The following CDIN1 variants were observed in gnomAD, a reference collection of about 807,000 sequenced individuals.
CDIN1 encodes CDAN1 interacting nuclease 1, also known as CDAN1-interacting nuclease 1.
CDIN1 carries 33 observed loss-of-function variants against 45.3 expected under a neutral mutation model. The ratio of observed to expected loss-of-function variants is 0.73; its 90% CI spans 0.55 to 0.97. CDIN1 has a LOEUF of 0.97. CDIN1 is among the 50% of genes least tolerant of loss of function. The probability of loss-of-function intolerance (pLI) is 0.00; values close to 1 mark genes in which losing one functional copy is unlikely to be tolerated. For missense variants in CDIN1, 303 were observed against 339.4 expected, an observed-to-expected ratio of 0.89 and a Z score of 0.84; for synonymous variants, 118 against 124.4, an observed-to-expected ratio of 0.95 and a Z score of 0.34.
intron 1 of CDIN1, among the ~76,000 whole-genome samples, chr15:36,612,239 C>T (rs1311610192): frequency 2.6e-5 from 4 of 152,110 alleles, no homozygotes; most frequent in African/African-American, 9.7e-5. Flanking sequence ...CAGCCCTTGT[C>T]TCTCTTCTTC....
chr15:36,663,253 C>G (rs2041095759), intron 5 of CDIN1, among the ~76,000 whole-genome samples: 1 of 152,022 alleles, frequency 6.6e-6, no homozygotes, highest in Admixed American at 6.6e-5. Flanking sequence ...AAATCCAGAC[C>G]TAGGTATTTA....
At chr15:36,695,429 A>G (rs572324177) in intron 7 of CDIN1, among the ~76,000 whole-genome samples, 1 of 152,168 alleles carries the variant, frequency 6.6e-6, no homozygotes, top group African/African-American at 2.4e-5. Flanking sequence ...ACTTTGGGCA[A>G]TCTCATCTGT....
At chr15:36,659,688 C>T (rs775282022) in intron 5 of CDIN1, among the ~76,000 whole-genome samples, 5 of 145,500 alleles carry the variant, frequency 3.4e-5, no homozygotes, top group Non-Finnish European at 6.0e-5. Flanking sequence ...AATCATCATA[C>T]TAGGCTATTG....
At chr15:36,666,836 G>A (rs191632727) in intron 5 of CDIN1, among the ~76,000 whole-genome samples, 36 of 152,296 alleles carry the variant, frequency 2.4e-4, no homozygotes, top group Admixed American at 1.7e-3. Context: ...GTTCAAATAA[G>A]CAATGATAAT....
chr15:36,581,868 T>C (rs924662551), intron 1 of CDIN1, among the ~76,000 whole-genome samples: 2 of 152,272 alleles, frequency 1.3e-5, no homozygotes, highest in African/African-American at 4.8e-5. Context: ...CTTGAATGGA[T>C]CTTTTACCCA....
chr15:36,797,870 C>T (rs1306374160), intron 10 of CDIN1, among the ~76,000 whole-genome samples: 1 of 151,638 alleles, frequency 6.6e-6, no homozygotes, highest in Admixed American at 6.6e-5. Flanking sequence ...GTCCCAGCTC[C>T]TCAGGAGACT....
chr15:36,608,894 C>T (rs951164849), intron 1 of CDIN1, among the ~76,000 whole-genome samples: 5 of 151,694 alleles, frequency 3.3e-5, no homozygotes, highest in East Asian at 3.9e-4. Flanking sequence ...TTTCCCTTTT[C>T]GCTTTGCCTT....
At chr15:36,789,643 T>TA (rs1010809466) in intron 10 of CDIN1, among the ~76,000 whole-genome samples, 1 of 152,170 alleles carries the variant, frequency 6.6e-6, no homozygotes, top group African/African-American at 2.4e-5. Context: ...AAGAGAGGCT[T>TA]AAGACAAAGT....
rs10709743 is a variant in CDIN1 at position 36,599,107 on chromosome 15, CTTT to C, written c.101+19159_101+19161del. ...AGACAGCGACTTTGAAGCATACTTG[CTTT>C]TTTTTTTTTTTTGGGAGGGGAGCAG... On this transcript the variant is annotated intron_variant, in intron 1 of 10. Transcript: ENST00000566621. Among the ~76,000 whole-genome samples, 228 of 133,914 alleles carry C rather than the reference CTTT, an allele frequency of 1.7e-3. 1 individual carries two copies. The highest frequency in any genetic ancestry group is 5.7e-3 in the African/African-American group (212 of 37,272). The allele number at this position is 133,914 out of a possible 152,430, so 87.9% of individuals were successfully genotyped here.
intron 10 of CDIN1, among the ~76,000 whole-genome samples, chr15:36,782,378 G>A (rs575295715): frequency 6.6e-6 from 1 of 152,046 alleles, no homozygotes; most frequent in Non-Finnish European, 1.5e-5. Context: ...AGGCAAAACC[G>A]CATTTTAATA....
chr15:36,658,072 A>AATAATGCT (rs1302195620), intron 5 of CDIN1, among the ~76,000 whole-genome samples, 167 bp downstream of exon 5: 1 of 152,084 alleles, frequency 6.6e-6, no homozygotes, highest in Admixed American at 6.6e-5. Flanking sequence ...CAACTTAAAT[A>AATAATGCT]CTCTTCAGAA....
intron 1 of CDIN1, among the ~76,000 whole-genome samples, chr15:36,585,703 A>T (rs901945761): frequency 1.2e-4 from 19 of 152,112 alleles, no homozygotes; most frequent in African/African-American, 4.6e-4. Flanking sequence ...TATTATTATT[A>T]TTATTTTTAA....
intron 1 of CDIN1, among the ~76,000 whole-genome samples, chr15:36,607,986 G>A (rs1008918119): frequency 3.9e-5 from 6 of 152,134 alleles, no homozygotes; most frequent in East Asian, 1.9e-4. Context: ...TTAACGTAGC[G>A]TAATGTTTTT....
chr15:36,733,907 AT>A (rs1409936032), intron 10 of CDIN1, among the ~76,000 whole-genome samples: 1 of 152,176 alleles, frequency 6.6e-6, no homozygotes, highest in Non-Finnish European at 1.5e-5. Context: ...TGGAAAATAG[AT>A]TTAATTAAAA....
chr15:36,701,113 GATAGGTAGGTAGA>G (rs2042617583), intron 8 of CDIN1, among the ~76,000 whole-genome samples: 1 of 83,654 alleles, frequency 1.2e-5, no homozygotes, highest in Non-Finnish European at 2.4e-5. Flanking sequence ...TAGATAGATA[GATAGGTAGGTAGA>G]TAGATAGATA....
intron 10 of CDIN1, among the ~76,000 whole-genome samples, chr15:36,743,918 G>A (rs977501336): frequency 4.0e-5 from 6 of 150,950 alleles, no homozygotes; most frequent in African/African-American, 1.5e-4. Flanking sequence ...AAAAACACGA[G>A]GCTGTCTGTA....
At chr15:36,701,691 C>T (rs1042750661) in intron 8 of CDIN1, among the ~76,000 whole-genome samples, 4 of 152,106 alleles carry the variant, frequency 2.6e-5, no homozygotes, top group Non-Finnish European at 4.4e-5. Flanking sequence ...TGAATGTTTC[C>T]CTGTTAGTAG....
chr15:36,663,868 G>A (rs932258782), intron 5 of CDIN1, among the ~76,000 whole-genome samples: 1 of 152,202 alleles, frequency 6.6e-6, no homozygotes, highest in Non-Finnish European at 1.5e-5. Flanking sequence ...AGAACTATGT[G>A]TTGTTGACCG....
chr15:36,628,859 A>G (rs1442952402), intron 1 of CDIN1, among the ~76,000 whole-genome samples: 1 of 152,228 alleles, frequency 6.6e-6, no homozygotes, highest in Admixed American at 6.5e-5. Flanking sequence ...AGATTATCCT[A>G]GAATACCAGG....
Sources: gnomAD v4.1 joint callset for allele counts (sites outside exome capture counted in the v4.1 genomes callset) on GRCh38, gnomAD v4.1.1 for gene constraint, MANE v1.5 for transcripts, NCBI Gene and HGNC (gene_info 2026-07-23, HGNC 2026-07-21) for gene names.